CAMK1D: variants seen among roughly 807,000 people sequenced by gnomAD.
CAMK1D encodes calcium/calmodulin dependent protein kinase ID, also known as calcium/calmodulin-dependent protein kinase type 1D.
A neutral mutation model predicts 47.7 loss-of-function variants in CAMK1D; 9 were observed. The ratio of observed to expected loss-of-function variants is 0.19; its 90% CI spans 0.11 to 0.33. The LOEUF is 0.33. Ranked by LOEUF, CAMK1D falls within the 10% of genes least tolerant of loss-of-function variation. CAMK1D has a pLI of 1.00. For synonymous variants in CAMK1D, 184 were observed against 184.9 expected (o/e 0.99, Z 0.04); for missense variants, 291 against 488.7 (o/e 0.60, Z 3.81).
At chr10:12,684,350 T>C (rs996374496) in intron 3 of CAMK1D, among the ~76,000 whole-genome samples, 2 of 152,112 alleles carry the variant, frequency 1.3e-5, no homozygotes, top group African/African-American at 4.8e-5. Flanking sequence ...AGAGAAACTG[T>C]GTTGGGTCAG....
chr10:12,636,651 G>A (rs1265038293), intron 2 of CAMK1D, among the ~76,000 whole-genome samples: 1 of 152,040 alleles, frequency 6.6e-6, no homozygotes, highest in Non-Finnish European at 1.5e-5. Flanking sequence ...TCGCCAATGA[G>A]GAAACAGACT....
intron 3 of CAMK1D, among the ~76,000 whole-genome samples, chr10:12,751,116 GATAAGA>G (rs1835957629): frequency 3.3e-5 from 3 of 89,614 alleles, no homozygotes; most frequent in African/African-American, 4.8e-5. Context: ...GATAAGATAA[GATAAGA>G]TAAGAAGGCT....
intron 1 of CAMK1D, among the ~76,000 whole-genome samples, chr10:12,450,399 T>C (rs1011188792): frequency 3.9e-5 from 6 of 152,130 alleles, no homozygotes; most frequent in Non-Finnish European, 7.4e-5. Flanking sequence ...TTATGTTTAA[T>C]ACCATTAGGA....
At chr10:12,636,058 A>G (rs1291626020) in intron 2 of CAMK1D, among the ~76,000 whole-genome samples, 1 of 152,208 alleles carries the variant, frequency 6.6e-6, no homozygotes, top group Non-Finnish European at 1.5e-5. Context: ...TACACATAAC[A>G]TACAATTTAC....
rs560684388 is a variant in CAMK1D, at chr10:12,604,801, A to C, written c.224+51445A>C. Among the ~76,000 whole-genome samples the C allele has an allele frequency of 9.3e-4, 142 of 152,272 alleles. 4 individuals carry two copies. In the South Asian group the frequency reaches 0.029, roughly 31 times the overall value. ...ACTTGGGTAGTATGAAGCATCTTTA[A>C]ACTTAGTTGACCAAAGCACCCTTTT... is the stretch of plus-strand genomic sequence containing the variant. On this transcript the variant is annotated intron_variant, in intron 2 of 10. Transcript: ENST00000619168.
At chr10:12,449,500 C>CA (rs1327805945) in intron 1 of CAMK1D, among the ~76,000 whole-genome samples, 1 of 138,570 alleles carries the variant, frequency 7.2e-6, no homozygotes, top group African/African-American at 2.7e-5. Flanking sequence ...TCATCACACG[C>CA]ACACAAGGGG....
At chr10:12,499,115 A>G (rs1219712791) in intron 1 of CAMK1D, among the ~76,000 whole-genome samples, 9 of 148,742 alleles carry the variant, frequency 6.1e-5, no homozygotes, top group Admixed American at 2.0e-4. Context: ...GTGCTTTAAA[A>G]TCATATATGC....
At chr10:12,744,035 A>AT (rs1319633585) in intron 3 of CAMK1D, among the ~76,000 whole-genome samples, 1 of 152,072 alleles carries the variant, frequency 6.6e-6, no homozygotes. Flanking sequence ...AAAAAAAAAA[A>AT]AAAATTTGCC....
chr10:12,679,237 G>T (rs1840911496), intron 3 of CAMK1D, among the ~76,000 whole-genome samples: 1 of 152,100 alleles, frequency 6.6e-6, no homozygotes, highest in South Asian at 2.1e-4. Context: ...TGAAAAGTTA[G>T]ATCTGGTCGC....
At chr10:12,799,828 G>A (rs533613067) in intron 6 of CAMK1D, among the ~76,000 whole-genome samples, 2 of 152,266 alleles carry the variant, frequency 1.3e-5, no homozygotes, top group South Asian at 4.1e-4. Context: ...TGTGGATTTT[G>A]CTGCTCACTA....
At chr10:12,651,906 G>A (rs1372086896) in intron 2 of CAMK1D, among the ~76,000 whole-genome samples, 1 of 151,882 alleles carries the variant, frequency 6.6e-6, no homozygotes, top group East Asian at 2.0e-4. Context: ...AGCCTCCCAA[G>A]TAGCTGGGAC....
At chr10:12,638,278 GGT>G (rs1364971345) in intron 2 of CAMK1D, among the ~76,000 whole-genome samples, 13 of 152,130 alleles carry the variant, frequency 8.5e-5, no homozygotes, top group Non-Finnish European at 1.2e-4. Flanking sequence ...AGCTGGGCGT[GGT>G]CTGGATAAAG....
chr10:12,469,264 A>G, intron 1 of CAMK1D, among the ~76,000 whole-genome samples: 1 of 152,148 alleles, frequency 6.6e-6, no homozygotes, highest in East Asian at 1.9e-4. Flanking sequence ...GCATTTCTAT[A>G]GTCTTGAATT....
At chr10:12,391,403 AT>A (rs1224185605) in intron 1 of CAMK1D, among the ~76,000 whole-genome samples, 1 of 152,198 alleles carries the variant, frequency 6.6e-6, no homozygotes, top group Non-Finnish European at 1.5e-5. Context: ...CTTATCTTCT[AT>A]TCAGGGTTTC....
At chr10:12,808,081 A>G (rs1187755709) in intron 6 of CAMK1D, among the ~76,000 whole-genome samples, 3 of 152,112 alleles carry the variant, frequency 2.0e-5, no homozygotes. Flanking sequence ...TTTATGCCCC[A>G]TGCTCTTATT....
At chr10:12,804,879 A>G (rs1453012481) in intron 6 of CAMK1D, among the ~76,000 whole-genome samples, 1 of 133,130 alleles carries the variant, frequency 7.5e-6, no homozygotes, top group Non-Finnish European at 1.5e-5. Flanking sequence ...TCAAGGCTGC[A>G]GTGAGCTATG....
intron 2 of CAMK1D, among the ~76,000 whole-genome samples, chr10:12,651,741 A>C (rs1259251597): frequency 6.6e-6 from 1 of 151,628 alleles, no homozygotes; most frequent in African/African-American, 2.4e-5. Context: ...AAAGAGGCCA[A>C]AGATTTAGGA....
intron 1 of CAMK1D, among the ~76,000 whole-genome samples, chr10:12,376,730 C>T (rs1450196505): frequency 1.3e-5 from 2 of 151,662 alleles, no homozygotes; most frequent in African/African-American, 4.8e-5. Flanking sequence ...GAGGAATGGC[C>T]TTAGTAACCA....
At chr10:12,680,884 CA>C (rs112938242) in intron 3 of CAMK1D, among the ~76,000 whole-genome samples, 54,250 of 140,266 alleles carry the variant, frequency 0.39, 10,159 homozygotes, top group Middle Eastern at 0.49. Flanking sequence ...GACCATGTCT[CA>C]AAAAAAAAAA....
Sources: allele counts gnomAD v4.1 joint callset (sites outside exome capture counted in the v4.1 genomes callset), GRCh38; gene constraint gnomAD v4.1.1; transcripts MANE v1.5; gene names NCBI Gene and HGNC (gene_info 2026-07-23, HGNC 2026-07-21).